The following LDLRAD4 variants were observed in gnomAD, a reference collection of about 807,000 sequenced individuals.
The protein encoded by LDLRAD4 is low density lipoprotein receptor class A domain containing 4.
A neutral mutation model predicts 17.0 loss-of-function variants in LDLRAD4; 5 were observed. The ratio of observed to expected loss-of-function variants is 0.29; its 90% confidence interval spans 0.15 to 0.62. LDLRAD4 has a LOEUF of 0.62. Ranked by LOEUF, LDLRAD4 falls within the 20% of genes least tolerant of loss-of-function variation. LDLRAD4 has a pLI of 0.84. For missense variants in LDLRAD4, 340 were observed against 424.7 expected (o/e 0.80, Z 1.75); for synonymous variants, 168 against 171.8 (o/e 0.98, Z 0.17).
At chr18:13,277,633 G>A (rs766198622), upstream of LDLRAD4, among the ~76,000 whole-genome samples, 1 of 152,248 alleles carries the variant, frequency 6.6e-6, no homozygotes, top group South Asian at 2.1e-4. Context: ...AATCAGACAT[G>A]TATTTCAGCA....
At chr18:13,249,005 T>C (rs1283459488) in intron 1 of LDLRAD4, among the ~76,000 whole-genome samples, 2 of 152,240 alleles carry the variant, frequency 1.3e-5, no homozygotes, top group Non-Finnish European at 2.9e-5. Context: ...CCTGTGGTGT[T>C]TAACTTTCTG....
Position 13,621,059 on chromosome 18 carries a change from G to A in LDLRAD4, c.182-58G>A. 6.2e-7 allele frequency: 1 copy of A among 1,612,152 alleles called. No individual in the cohort carries two copies. Among genetic ancestry groups the A allele is most frequent in the South Asian group, 1.1e-5 (1 of 90,996 alleles). On this transcript the variant is annotated intron_variant, in intron 3 of 5. Coordinates refer to ENST00000359446, the Ensembl canonical transcript of LDLRAD4. This position sits in a 1 kb window ranked among gnomAD's most constrained non-coding sequence, Gnocchi z 5.5. ...ATGGCTGGGGTGGTGACAGTGCCTG[G>A]AGAATGGGTGGGGACTGGAGGGGCC...
At chr18:13,617,104 C>CTT (rs74886341) in intron 3 of LDLRAD4, among the ~76,000 whole-genome samples, 9 of 143,406 alleles carry the variant, frequency 6.3e-5, no homozygotes, top group African/African-American at 1.5e-4. Context: ...GGGGCCTTTA[C>CTT]TTTTTTTTTT....
chr18:13,631,254 T>C (rs1004477105), intron 4 of LDLRAD4, among the ~76,000 whole-genome samples: 10 of 152,188 alleles, frequency 6.6e-5, no homozygotes, highest in African/African-American at 1.4e-4. Flanking sequence ...TGCAAACCAA[T>C]TGGATAACCT....
At chr18:13,383,066 G>A (rs1489317783) in intron 1 of LDLRAD4, among the ~76,000 whole-genome samples, 1 of 152,236 alleles carries the variant, frequency 6.6e-6, no homozygotes, top group African/African-American at 2.4e-5. Context: ...AAACCAGCCC[G>A]GAGGGTCCCA....
intron 1 of LDLRAD4, among the ~76,000 whole-genome samples, chr18:13,343,146 A>T (rs1239447175): frequency 6.6e-6 from 1 of 152,106 alleles, no homozygotes; most frequent in African/African-American, 2.4e-5. Context: ...GGTTAGTTAC[A>T]TATGTATACA....
chr18:13,600,413 A>G (rs866795535), intron 3 of LDLRAD4, among the ~76,000 whole-genome samples: 1 of 152,220 alleles, frequency 6.6e-6, no homozygotes, highest in Non-Finnish European at 1.5e-5. Flanking sequence ...GTGTGACTCA[A>G]GATGTCACTT....
intron 3 of LDLRAD4, among the ~76,000 whole-genome samples, chr18:13,450,929 G>A (rs900385548): frequency 1.3e-5 from 2 of 152,160 alleles, no homozygotes; most frequent in African/African-American, 2.4e-5. Flanking sequence ...GGTAGGTGGG[G>A]TCAGATTCTA....
chr18:13,609,519 G>A (rs957539743), intron 3 of LDLRAD4, among the ~76,000 whole-genome samples: 7 of 100,068 alleles, frequency 7.0e-5, no homozygotes, highest in African/African-American at 1.2e-4. Context: ...CTCATTATGC[G>A]TGTGTGTGTG....
At chr18:13,375,968 T>TG (rs2084878246) in intron 1 of LDLRAD4, among the ~76,000 whole-genome samples, 1 of 152,216 alleles carries the variant, frequency 6.6e-6, no homozygotes, top group Admixed American at 6.5e-5. Flanking sequence ...TGGGGATATT[T>TG]GGGGAGCAGT....
At chr18:13,257,409 TGA>T (rs1460021515) in intron 1 of LDLRAD4, among the ~76,000 whole-genome samples, 1 of 152,310 alleles carries the variant, frequency 6.6e-6, no homozygotes, top group East Asian at 1.9e-4. Flanking sequence ...ATGATGTTTG[TGA>T]GACTTGGGGA....
intron 1 of LDLRAD4, among the ~76,000 whole-genome samples, chr18:13,282,863 C>T (rs1394851144): frequency 6.6e-6 from 1 of 152,236 alleles, no homozygotes; most frequent in African/African-American, 2.4e-5. Context: ...CAAACTTTTG[C>T]CTGGGCATCT....
chr18:13,496,063 G>T (rs57251998), intron 3 of LDLRAD4, among the ~76,000 whole-genome samples: 1 of 152,160 alleles, frequency 6.6e-6, no homozygotes, highest in Non-Finnish European at 1.5e-5. Flanking sequence ...ATTTGGCTGC[G>T]TATAGAGGAA....
intron 2 of LDLRAD4, among the ~76,000 whole-genome samples, chr18:13,389,826 A>G (rs2086131315): frequency 1.3e-5 from 2 of 152,108 alleles, no homozygotes; most frequent in Admixed American, 1.3e-4. Context: ...AATACTCAGA[A>G]TCCTGTGGTT....
intron 3 of LDLRAD4, among the ~76,000 whole-genome samples, chr18:13,549,313 C>A (rs1373699887): frequency 6.6e-6 from 1 of 152,082 alleles, no homozygotes; most frequent in African/African-American, 2.4e-5. Context: ...TAGGCTAAAA[C>A]CATAATGAAA....
At chr18:13,552,243 C>T (rs557841182) in intron 3 of LDLRAD4, among the ~76,000 whole-genome samples, 33 of 152,350 alleles carry the variant, frequency 2.2e-4, no homozygotes, top group African/African-American at 7.7e-4. Flanking sequence ...GCATCTGCAT[C>T]CTTTAAACTG....
rs151185388 is a variant in LDLRAD4, at chr18:13,628,580, C to T, written c.336+7309C>T. Among the ~76,000 whole-genome samples, 1,165 of 152,294 alleles carry T rather than the reference C, an allele frequency of 7.6e-3. 16 individuals are homozygous for T. The highest frequency in any genetic ancestry group is 0.026 in the African/African-American group (1,100 of 41,552). Reference sequence around the variant, plus strand: ...TGCCCTTTGCTATGTCTAATTGAAGCATTAGAGGATAGACAATTTCACATC... The same window carrying T: ...TGCCCTTTGCTATGTCTAATTGAAGTATTAGAGGATAGACAATTTCACATC... On this transcript the variant is annotated intron_variant, in intron 4 of 5. Transcript: ENST00000359446.
At chr18:13,389,286 C>T (rs2086079431) in intron 2 of LDLRAD4, among the ~76,000 whole-genome samples, 1 of 150,520 alleles carries the variant, frequency 6.6e-6, no homozygotes, top group Non-Finnish European at 1.5e-5. Context: ...CTCATGGATA[C>T]TCCTCCCCTC....
intron 1 of LDLRAD4, among the ~76,000 whole-genome samples, chr18:13,285,714 G>A (rs2045583580): frequency 6.6e-6 from 1 of 152,024 alleles, no homozygotes; most frequent in South Asian, 2.1e-4. Context: ...ATTTTTCCAT[G>A]TCTTTCTTGA....
Sources: gnomAD v4.1 joint callset for allele counts (sites outside exome capture counted in the v4.1 genomes callset) on GRCh38, gnomAD v4.1.1 for gene constraint, Gnocchi (gnomAD v3.1) non-coding constraint, MANE v1.5 for transcripts, NCBI Gene and HGNC (gene_info 2026-07-23, HGNC 2026-07-21) for gene names.